Variants in TG observed in about 807,000 individuals in gnomAD.
TG encodes the protein thyroid hormones.
TG carries 270 observed loss-of-function variants against 324.7 expected under a neutral mutation model. The ratio of observed to expected loss-of-function variants is 0.83; its 90% confidence interval spans 0.75 to 0.92. The LOEUF (loss-of-function observed/expected upper bound fraction) is 0.92, where lower values mean the gene tolerates loss of function less well. Ranked by LOEUF, TG falls within the 40% of genes least tolerant of loss-of-function variation. The pLI is 0.00. For synonymous variants in TG, 1,401 were observed against 1,327.0 expected (o/e 1.06, Z -1.21); for missense variants, 3,591 against 3,456.4 (o/e 1.04, Z -0.98).
At chr8:132,911,273 A>C in intron 18 of TG, 104 bp from the exon 19 acceptor site, 1 of 1,603,214 alleles carries the variant, frequency 6.2e-7, no homozygotes, top group East Asian at 2.2e-5. Context: ...TTGGTGGAGG[A>C]TTGAAGGAAG....
chr8:132,961,103 C>A (rs1827693383), intron 28 of TG, 30 bp downstream of exon 28: 1 of 1,609,002 alleles, frequency 6.2e-7, no homozygotes, highest in Non-Finnish European at 8.5e-7. Context: ...AGGGGGTTAG[C>A]AGGACGCTGA....
At position 133,134,721 on chromosome 8, in the gene TG, T is replaced by C. The variant is rs151202676; in HGVS notation, c.8234T>C (p.Leu2745Ser). The change falls in exon 48 of 48, where the codon TTG becomes TCG. Residue 2745 changes from leucine (L) to serine (S), a missense_variant. Leu to Ser is a moderately radical substitution (Grantham distance 145). Coordinates refer to ENST00000220616, the MANE Select transcript of TG (RefSeq NM_003235.5). ...TCAGCAGAGAGTGAAGAGGAGGAGT[T>C]GACGGCTGGATCTGGGCTAAGAGAA... ...GQSAESEEEE[L>S]TAGSGLREDL... 29 of 1,613,924 alleles carry C rather than the reference T, an allele frequency of 1.8e-5. No homozygotes were observed. In the African/African-American group the frequency reaches 2.9e-4, roughly 16 times the overall value.
chr8:133,061,040 C>G (rs1327766408), intron 41 of TG, among the ~76,000 whole-genome samples: 1 of 152,222 alleles, frequency 6.6e-6, no homozygotes, highest in Non-Finnish European at 1.5e-5. Context: ...GAGACGCAGT[C>G]TCACTCTGTC....
rs758405613 is a variant in TG, at chr8:133,012,072, A to G, written c.6397+37A>G. The G allele has an allele frequency of 4.3e-6, 7 of 1,613,692 alleles. No homozygotes were observed. The African/African-American group carries it at 8.0e-5, about 18-fold the overall frequency. On this transcript the variant is annotated intron_variant, in intron 36 of 47. Transcript: ENST00000220616. ...TTCCAACCCACAGGTTGGGTGGGAC[A>G]AAACCTCACACAAGTGCTGCTCAAG... is the stretch of plus-strand genomic sequence containing the variant.
chr8:133,131,711 A>T, intron 45 of TG, 101 bp from the exon 46 acceptor site: 1 of 1,525,496 alleles, frequency 6.6e-7, no homozygotes, highest in Non-Finnish European at 8.9e-7. Context: ...AAGAAGGGAA[A>T]GTCTTGGTTT....
chr8:133,103,984 G>A (rs1849568048), intron 43 of TG, among the ~76,000 whole-genome samples: 1 of 152,238 alleles, frequency 6.6e-6, no homozygotes, highest in Non-Finnish European at 1.5e-5. Context: ...CAGAGGAGGC[G>A]ATGGAATGGG....
intron 42 of TG, among the ~76,000 whole-genome samples, chr8:133,095,966 C>A (rs968105494): frequency 1.3e-5 from 2 of 152,210 alleles, no homozygotes; most frequent in Admixed American, 6.5e-5. Context: ...ACCTGGGGAT[C>A]TGCTGTTACC....
chr8:132,901,488 G>A lies in TG; in HGVS notation c.3569G>A (p.Cys1190Tyr), dbSNP rs776882110. The A allele has an allele frequency of 1.2e-6, 2 of 1,614,200 alleles. No homozygotes were observed. The highest frequency in any genetic ancestry group is 3.3e-5 in the Admixed American group (2 of 60,038). The change falls in exon 16 of 48, where the codon TGT becomes TAT. Residue 1190 changes from cysteine (C) to tyrosine (Y), a missense_variant. By Grantham distance (194) the Cys-to-Tyr change is radical. Coordinates refer to ENST00000220616, the MANE Select transcript of TG (RefSeq NM_003235.5). ...QCDQAQGSCW[C>Y]VMDSGEEVPG... ...GACCAGGCCCAGGGCAGCTGCTGGT[G>A]TGTCATGGACAGCGGAGAAGAGGTG...
At chr8:133,029,072 T>A (rs1278959174) in intron 40 of TG, among the ~76,000 whole-genome samples, 1 of 152,014 alleles carries the variant, frequency 6.6e-6, no homozygotes, top group African/African-American at 2.4e-5. Flanking sequence ...AAGAATGAGA[T>A]CTGGTGTTTC....
Position 133,113,547 on chromosome 8 carries a change from G to A in TG, c.7698G>A (p.Leu2566=), listed in dbSNP as rs754888803. The A allele has an allele frequency of 6.2e-7, 1 of 1,614,140 alleles. No individual in the cohort carries two copies. Among genetic ancestry groups the A allele is most frequent in the African/African-American group, 1.3e-5 (1 of 75,004 alleles). ...VEAAATWYYS[L]EHSTDDYASF... ...CTGCTGCTACATGGTATTACTCTCT[G>A]GAGCACTCCACGGATGACTATGCCT... is the stretch of plus-strand genomic sequence containing the variant. The change falls in exon 44 of 48, where the codon CTG becomes CTA. Residue 2566 remains leucine, a synonymous_variant. Coordinates refer to ENST00000220616, the MANE Select transcript of TG (RefSeq NM_003235.5).
chr8:133,019,158 A>T (rs986025146), intron 38 of TG, among the ~76,000 whole-genome samples: 35 of 152,216 alleles, frequency 2.3e-4, no homozygotes, highest in African/African-American at 7.5e-4. Context: ...CATTAGTCAT[A>T]GTCACAGCTG....
chr8:132,914,758 C>T (rs1468410682), intron 20 of TG, among the ~76,000 whole-genome samples: 1 of 152,124 alleles, frequency 6.6e-6, no homozygotes, highest in African/African-American at 2.4e-5. Context: ...CTTTCTATTC[C>T]ATCAGAGCTG....
chr8:133,082,512 T>C (rs1283299357), intron 41 of TG, among the ~76,000 whole-genome samples: 1 of 152,248 alleles, frequency 6.6e-6, no homozygotes, highest in African/African-American at 2.4e-5. Flanking sequence ...GGAATTATCC[T>C]GATAATCGAC....
chr8:132,973,320 G>A (rs976849316), intron 34 of TG, among the ~76,000 whole-genome samples: 15 of 152,198 alleles, frequency 9.9e-5, no homozygotes, highest in Admixed American at 6.5e-5. Context: ...GGAGGAAAAC[G>A]GGGACAACCA....
chr8:132,991,721 A>T (rs1368937398), intron 35 of TG, among the ~76,000 whole-genome samples: 1 of 151,970 alleles, frequency 6.6e-6, no homozygotes, highest in Non-Finnish European at 1.5e-5. Context: ...CAGCTGCAAC[A>T]CTCAGCACGC....
chr8:133,131,885 C>T lies in TG; in HGVS notation c.7936C>T (p.Leu2646=), dbSNP rs924311706. Residue 2646 remains leucine, a synonymous_variant, in exon 46 of 48, where the codon CTG becomes TTG. Transcript: ENST00000220616. ...CCCAGCCTACGAGGGGCAGTTTTCT[C>T]TGGAGGAGAAGAGCCTGTCGCTGAA... The part of the protein sequence containing the change: ...FYPAYEGQFS[L]EEKSLSLKIM... The T allele has an allele frequency of 1.2e-6, 2 of 1,614,192 alleles. No individual in the cohort carries two copies. The highest frequency in any genetic ancestry group is 2.7e-5 in the African/African-American group (2 of 75,062).
intron 41 of TG, among the ~76,000 whole-genome samples, chr8:133,088,335 C>T (rs537084155): frequency 2.4e-4 from 36 of 152,308 alleles, no homozygotes; most frequent in African/African-American, 8.7e-4. Flanking sequence ...CATCCACCAG[C>T]CGCTCATGAG....
chr8:132,993,121 G>C (rs2130780268), intron 35 of TG, among the ~76,000 whole-genome samples: 1 of 152,310 alleles, frequency 6.6e-6, no homozygotes, highest in Admixed American at 6.5e-5. Flanking sequence ...AAAATGTCCA[G>C]TATAGAGTAG....
intron 15 of TG, among the ~76,000 whole-genome samples, 181 bp downstream of exon 15, chr8:132,900,520 CT>C (rs1386531850): frequency 1.3e-5 from 2 of 152,224 alleles, no homozygotes; most frequent in African/African-American, 4.8e-5. Flanking sequence ...TCCCCCATCT[CT>C]GCAGTTTCTT....
Sources: allele counts gnomAD v4.1 joint callset (sites outside exome capture counted in the v4.1 genomes callset), GRCh38; gene constraint gnomAD v4.1.1; transcripts MANE v1.5; gene names NCBI Gene and HGNC (gene_info 2026-07-23, HGNC 2026-07-21).